The following PTPRK variants were observed in gnomAD, a reference collection of about 807,000 sequenced individuals.
PTPRK encodes receptor-type tyrosine-protein phosphatase kappa.
In PTPRK, 75 loss-of-function variants were observed where a neutral mutation model predicts 178.0. The observed-to-expected ratio is 0.42, with a 90% CI of 0.35 to 0.51. PTPRK has a LOEUF of 0.51. PTPRK is among the 20% of genes least tolerant of loss of function. The pLI, the probability that PTPRK is intolerant of heterozygous loss-of-function variation, is 0.02. For missense variants in PTPRK, 1,441 were observed against 1,797.8 expected (o/e 0.80, Z 3.59); for synonymous variants, 637 against 620.6 (o/e 1.03, Z -0.39).
At chr6:127,984,732 T>C (rs1290393688) in intron 22 of PTPRK, among the ~76,000 whole-genome samples, 1 of 152,202 alleles carries the variant, frequency 6.6e-6, no homozygotes, top group Non-Finnish European at 1.5e-5. Flanking sequence ...AAGCAAAAGA[T>C]ATTGTGGCTA....
intron 3 of PTPRK, among the ~76,000 whole-genome samples, chr6:128,294,478 T>G (rs1823934293): frequency 1.3e-5 from 2 of 152,088 alleles, no homozygotes; most frequent in Admixed American, 1.3e-4. Flanking sequence ...AGAGTCCTCT[T>G]GGGTTTCACA....
chr6:128,117,984 A>AT (rs568459999), intron 7 of PTPRK, among the ~76,000 whole-genome samples: 20 of 152,182 alleles, frequency 1.3e-4, no homozygotes, highest in Admixed American at 5.9e-4. Context: ...TTTATAATTC[A>AT]TTTTTTTGTG....
intron 5 of PTPRK, among the ~76,000 whole-genome samples, chr6:128,225,770 T>C (rs1250416616): frequency 1.3e-5 from 2 of 151,306 alleles, no homozygotes; most frequent in Admixed American, 6.6e-5. Context: ...AGTAAGTAAA[T>C]AGTGTTCTCC....
rs1221277982 is a variant in PTPRK, at chr6:128,307,523, A to G, written c.495+14516T>C. ...ATTAAGGCTTTTTGTCCAAAGAACT[A>G]TAAGAAACTGAAAAAATAAACCCAA... On this transcript the variant is annotated intron_variant, in intron 3 of 29. Transcript: ENST00000368226. 2.0e-5 allele frequency among the ~76,000 whole-genome samples: 3 copies of G among 151,954 alleles called. No individual in the cohort carries two copies. The East Asian group carries it at 5.8e-4, about 29-fold the overall frequency.
intron 13 of PTPRK, among the ~76,000 whole-genome samples, chr6:128,052,352 C>G (rs73582696): frequency 0.1 from 15,479 of 152,094 alleles, 2,268 homozygotes; most frequent in African/African-American, 0.32. Flanking sequence ...TTCAAAATTC[C>G]CAATTGTCCT....
chr6:127,979,677 A>T (rs1013978818), intron 25 of PTPRK, among the ~76,000 whole-genome samples: 1 of 152,194 alleles, frequency 6.6e-6, no homozygotes, highest in Admixed American at 6.5e-5. Context: ...AAAAGAGTAA[A>T]GTAACTGGTG....
At chr6:128,409,242 A>G (rs1386583605) in intron 1 of PTPRK, 1 of 433,482 alleles carries the variant, frequency 2.3e-6, no homozygotes, top group African/African-American at 2.0e-5. Context: ...ACTTATCTAA[A>G]ACATGGCTAT....
chr6:128,213,308 A>G (rs978047292), intron 6 of PTPRK, among the ~76,000 whole-genome samples: 14 of 152,038 alleles, frequency 9.2e-5, no homozygotes, highest in African/African-American at 2.9e-4. Context: ...TTCTTTTATC[A>G]TACTCAAGGG....
At chr6:128,175,951 C>T (rs1246912784) in intron 7 of PTPRK, among the ~76,000 whole-genome samples, 1 of 151,746 alleles carries the variant, frequency 6.6e-6, no homozygotes, top group African/African-American at 2.4e-5. Flanking sequence ...ATCTGCCCCC[C>T]ACCCCAAATA....
At chr6:128,473,851 T>C (rs540777155) in intron 1 of PTPRK, among the ~76,000 whole-genome samples, 1 of 152,176 alleles carries the variant, frequency 6.6e-6, no homozygotes, top group East Asian at 1.9e-4. Context: ...ATTATTTTCA[T>C]TCTAGAATGA....
intron 13 of PTPRK, among the ~76,000 whole-genome samples, chr6:128,055,467 G>T (rs1345775669): frequency 2.0e-5 from 3 of 151,950 alleles, no homozygotes; most frequent in Non-Finnish European, 4.4e-5. Context: ...TGAATTTGGG[G>T]TTACTAAATT....
At chr6:128,419,381 G>A (rs1843197088) in intron 1 of PTPRK, among the ~76,000 whole-genome samples, 1 of 152,218 alleles carries the variant, frequency 6.6e-6, no homozygotes, top group Admixed American at 6.5e-5. Flanking sequence ...GGGACACCAA[G>A]GCGGGCGGAT....
At position 128,181,111 on chromosome 6, in the gene PTPRK, A is replaced by G. The variant is rs79220722; in HGVS notation, c.1162+3321T>C. Among the ~76,000 whole-genome samples the G allele has an allele frequency of 5.1e-3, 775 of 152,220 alleles. 2 individuals are homozygous for G. The highest frequency in any genetic ancestry group is 0.018 in the African/African-American group (735 of 41,558). On this transcript the variant is annotated intron_variant, in intron 7 of 29. Transcript: ENST00000368226. ...CATATGTTGATTCTACACTAGCATT[A>G]ATCCATACTTGGCCACAAAAAAACC...
At chr6:128,154,524 A>C (rs1797707236) in intron 7 of PTPRK, among the ~76,000 whole-genome samples, 2 of 151,804 alleles carry the variant, frequency 1.3e-5, no homozygotes, top group African/African-American at 4.8e-5. Context: ...ACAACAACAA[A>C]AAAATCAACA....
At chr6:128,329,121 C>T (rs1317072647) in intron 2 of PTPRK, among the ~76,000 whole-genome samples, 1 of 152,144 alleles carries the variant, frequency 6.6e-6, no homozygotes, top group African/African-American at 2.4e-5. Context: ...GTAGAGAACC[C>T]TATATTTTAA....
At chr6:128,316,223 T>C (rs1011369925) in intron 3 of PTPRK, among the ~76,000 whole-genome samples, 14 of 152,104 alleles carry the variant, frequency 9.2e-5, no homozygotes, top group African/African-American at 3.4e-4. Flanking sequence ...CCAAAGTGAG[T>C]GCTAGTTGAG....
intron 2 of PTPRK, among the ~76,000 whole-genome samples, chr6:128,338,188 A>G (rs1831195713): frequency 6.6e-6 from 1 of 152,184 alleles, no homozygotes; most frequent in African/African-American, 2.4e-5. Flanking sequence ...TAGGGTGGTA[A>G]GCAAAATAGG....
At chr6:127,973,948 A>G in intron 27 of PTPRK, 121 bp from the exon 28 acceptor site, 1 of 924,742 alleles carries the variant, frequency 1.1e-6, no homozygotes. Context: ...AGCTGATATA[A>G]ATCCTCAATA....
rs535133452 is a variant in PTPRK, at chr6:127,999,364, C to T, written c.2495-460G>A. On this transcript the variant is annotated intron_variant, in intron 15 of 29. Transcript: ENST00000368226. ...GACCCATCCCCAAAGGGCTGCTCTT[C>T]TTGTTCTCGTGGCCCTATTCTCTGG... Among the ~76,000 whole-genome samples the T allele has an allele frequency of 2.6e-4, 40 of 152,106 alleles. No homozygotes were observed. In the South Asian group the frequency reaches 7.9e-3, roughly 30 times the overall value.
Sources: gnomAD v4.1 joint callset for allele counts (sites outside exome capture counted in the v4.1 genomes callset) on GRCh38, gnomAD v4.1.1 for gene constraint, MANE v1.5 for transcripts, NCBI Gene and HGNC (gene_info 2026-07-23, HGNC 2026-07-21) for gene names.